Variants in RPN1 observed in about 807,000 individuals in gnomAD.
RPN1 encodes the protein ribophorin I, also known as dolichyl-diphosphooligosaccharide--protein glycosyltransferase subunit 1.
RPN1 carries 12 observed loss-of-function variants against 55.5 expected under a neutral mutation model. The observed-to-expected ratio is 0.22, with a 90% CI of 0.14 to 0.35. The LOEUF (loss-of-function observed/expected upper bound fraction) is 0.35, where lower values mean the gene tolerates loss of function less well. RPN1 is among the 10% of genes least tolerant of loss of function. The pLI is 1.00. For missense variants in RPN1, 679 were observed against 761.3 expected, an observed-to-expected ratio of 0.89 and a Z score of 1.27; for synonymous variants, 317 against 305.9, an observed-to-expected ratio of 1.04 and a Z score of -0.38.
intron 1 of RPN1, among the ~76,000 whole-genome samples, chr3:128,650,128 G>C (rs769258118): frequency 9.2e-5 from 14 of 152,206 alleles, no homozygotes; most frequent in Non-Finnish European, 1.8e-4. Context: ...CGCTGGCACC[G>C]GGCCGAGGGG....
chr3:128,645,008 T>C, intron 1 of RPN1, 25 bp from the exon 2 acceptor site: 1 of 1,364,306 alleles, frequency 7.3e-7, no homozygotes, highest in Non-Finnish European at 1.0e-6. Context: ...GATAGTTTAT[T>C]ATTCATGTCT....
intron 1 of RPN1, among the ~76,000 whole-genome samples, chr3:128,649,706 T>C (rs1031983705): frequency 5.9e-5 from 9 of 152,234 alleles, no homozygotes; most frequent in Non-Finnish European, 1.3e-4. Context: ...AACATTTTCT[T>C]TGGTGATCAC....
chr3:128,621,554 G>A (rs1367843040), intron 9 of RPN1, among the ~76,000 whole-genome samples: 2 of 152,208 alleles, frequency 1.3e-5, no homozygotes, highest in Non-Finnish European at 2.9e-5. Context: ...AGTGAGGAGA[G>A]GGAATGCCAG....
chr3:128,644,393 A>T (rs144394407), intron 2 of RPN1: 49 of 263,166 alleles, frequency 1.9e-4, no homozygotes, highest in African/African-American at 1.1e-3. Context: ...ACTCACGCCT[A>T]TAATCCTAGG....
At chr3:128,643,947 A>G (rs973536149) in intron 2 of RPN1, among the ~76,000 whole-genome samples, 4 of 152,258 alleles carry the variant, frequency 2.6e-5, no homozygotes, top group South Asian at 2.1e-4. Context: ...AATAATAATA[A>G]TAACTAATAA....
At position 128,637,794 on chromosome 3, in the gene RPN1, C is replaced by T. The variant is rs772323874; in HGVS notation, c.633+5G>A. On this transcript the variant is annotated splice_donor_5th_base_variant and intron_variant, in intron 3 of 9. Coordinates refer to ENST00000296255, the MANE Select transcript of RPN1 (RefSeq NM_002950.4). ...AGGGATGGGCTGGACTCCACCTGAG[C>T]TTACCTGACTATAGGCAGGCACATC... 9 of 1,609,566 alleles carry T rather than the reference C, an allele frequency of 5.6e-6. No individual in the cohort carries two copies. The highest frequency in any genetic ancestry group is 1.3e-5 in the African/African-American group (1 of 74,838).
At chr3:128,635,242 C>T (rs2069668418) in intron 3 of RPN1, among the ~76,000 whole-genome samples, 1 of 151,836 alleles carries the variant, frequency 6.6e-6, no homozygotes, top group African/African-American at 2.4e-5. Context: ...AAACCTAAAG[C>T]TAACATAAAT....
intron 4 of RPN1, among the ~76,000 whole-genome samples, chr3:128,630,981 C>T (rs2107715782): frequency 6.6e-6 from 1 of 151,756 alleles, no homozygotes; most frequent in East Asian, 1.9e-4. Flanking sequence ...GGCATGGTGG[C>T]GGGCGCCTGT....
chr3:128,647,723 A>G (rs924578938), intron 1 of RPN1, among the ~76,000 whole-genome samples: 5 of 151,778 alleles, frequency 3.3e-5, no homozygotes, highest in Admixed American at 2.0e-4. Flanking sequence ...ACATTCTAGT[A>G]TATGTGTGTG....
intron 7 of RPN1, 50 bp downstream of exon 7, chr3:128,625,824 C>T (rs1220348106): frequency 6.4e-7 from 1 of 1,569,336 alleles, no homozygotes. Context: ...GCCCCCAGAG[C>T]CCACTGTCTG....
At chr3:128,647,299 A>G (rs1165271226) in intron 1 of RPN1, among the ~76,000 whole-genome samples, 3 of 152,230 alleles carry the variant, frequency 2.0e-5, no homozygotes, top group Non-Finnish European at 2.9e-5. Context: ...CTTTTAAAAT[A>G]TATCAAAAAG....
Position 128,620,031 on chromosome 3 carries a change from A to AAC in RPN1, c.*378_*379dup. ...CACACGCTTTAAAAAAAAAAAAAAA[A>AAC]ACACATGCACTCACACAATACCCAA... On this transcript the variant is annotated 3_prime_UTR_variant, in exon 10 of 10. Transcript: ENST00000296255. 1 of 226,762 alleles carries AAC rather than the reference A, an allele frequency of 4.4e-6. No individual in the cohort carries two copies. The highest frequency in any genetic ancestry group is 8.7e-6 in the Non-Finnish European group (1 of 114,322). The allele number at this position is 226,762 out of a possible 1,614,324, so 14.0% of individuals were successfully genotyped here.
intron 9 of RPN1, among the ~76,000 whole-genome samples, chr3:128,621,929 G>T (rs2069562807): frequency 6.6e-6 from 1 of 152,206 alleles, no homozygotes; most frequent in South Asian, 2.1e-4. Flanking sequence ...TGGCCACAAG[G>T]GCACGCAGTG....
At chr3:128,642,414 G>A (rs1482854518) in intron 2 of RPN1, 14 of 152,130 alleles carry the variant, frequency 9.2e-5, no homozygotes, top group African/African-American at 3.4e-4. Flanking sequence ...CAAAAAAGGT[G>A]GCCAGGTAGT....
rs772654108 is a variant in RPN1 at position 128,622,221 on chromosome 3, A to G, written c.1584T>C (p.Ser528=). Residue 528 remains serine, a synonymous_variant, in exon 9 of 10, where the codon AGT becomes AGC. Coordinates refer to ENST00000296255, the MANE Select transcript of RPN1 (RefSeq NM_002950.4). The stretch of plus-strand genomic sequence containing the variant: ...GCCTGGACTGCAGCAGTGCAATCTC[A>G]CTGGTCAAGGCCTTGTGTTCAGTCT... ...SLETEHKALT[S]EIALLQSRLK... is the part of the protein sequence containing the mutation. 1 of 1,612,956 alleles carries G rather than the reference A, an allele frequency of 6.2e-7. No homozygotes were observed.
chr3:128,650,222 G>A (rs373112824), intron 1 of RPN1, among the ~76,000 whole-genome samples: 22 of 152,354 alleles, frequency 1.4e-4, no homozygotes, highest in African/African-American at 5.3e-4. Flanking sequence ...CCAAACAGGG[G>A]CAAGCTCCGA....
chr3:128,628,882 T>A (rs551454302), intron 5 of RPN1, among the ~76,000 whole-genome samples: 2 of 152,200 alleles, frequency 1.3e-5, no homozygotes, highest in East Asian at 3.9e-4. Flanking sequence ...CTCGGGAGGC[T>A]GAGGCAAGAG....
intron 1 of RPN1, among the ~76,000 whole-genome samples, chr3:128,647,135 A>G (rs778278135): frequency 6.6e-6 from 1 of 152,130 alleles, no homozygotes; most frequent in Non-Finnish European, 1.5e-5. Context: ...ATCTCCAATC[A>G]TAAGACTGTG....
chr3:128,635,614 T>TAGATAG (rs1354136197), intron 3 of RPN1, among the ~76,000 whole-genome samples: 141 of 4,244 alleles, frequency 0.033, no homozygotes, highest in African/African-American at 0.11. Flanking sequence ...TAACTTGAGA[T>TAGATAG]ATATATATAT....
Sources: allele counts gnomAD v4.1 joint callset (sites outside exome capture counted in the v4.1 genomes callset), GRCh38; gene constraint gnomAD v4.1.1; transcripts MANE v1.5; gene names NCBI Gene and HGNC (gene_info 2026-07-23, HGNC 2026-07-21).